NAALADL2: variants seen among roughly 807,000 people sequenced by gnomAD.
NAALADL2 encodes N-acetylated alpha-linked acidic dipeptidase like 2, also known as inactive N-acetylated-alpha-linked acidic dipeptidase-like protein 2.
A neutral mutation model predicts 87.2 loss-of-function variants in NAALADL2; 76 were observed. The observed-to-expected ratio is 0.87, with a 90% CI of 0.72 to 1.05. The LOEUF (loss-of-function observed/expected upper bound fraction) is 1.05. NAALADL2 is among the 50% of genes least tolerant of loss of function. NAALADL2 has a pLI of 0.00. For missense variants in NAALADL2, 1,089 were observed against 945.8 expected, an observed-to-expected ratio of 1.15 and a Z score of -1.99; for synonymous variants, 354 against 331.0, an observed-to-expected ratio of 1.07 and a Z score of -0.75.
intron 11 of NAALADL2, among the ~76,000 whole-genome samples, chr3:175,724,227 T>C (rs1378666641): frequency 1.3e-5 from 2 of 152,138 alleles, no homozygotes; most frequent in African/African-American, 2.4e-5. Context: ...TCTTGAATTG[T>C]TGGGCTATGT....
rs1174600904 is a variant in NAALADL2 at position 175,013,278 on chromosome 3, C to CATAT, written c.44-83491_44-83488dup. 1.1e-3 allele frequency among the ~76,000 whole-genome samples: 79 copies of CATAT among 73,724 alleles called. 4 individuals carry two copies. Among genetic ancestry groups the CATAT allele is most frequent in the East Asian group, 8.3e-3 (24 of 2,882 alleles). The allele number at this position is 73,724 out of a possible 152,430, so 48.4% of individuals were successfully genotyped here. On this transcript the variant is annotated intron_variant, in intron 1 of 13. Coordinates refer to ENST00000454872, the MANE Select transcript of NAALADL2 (RefSeq NM_207015.3). ...ATATACATATATTTTTATATATATA[C>CATAT]ATATATATATATATATATATATATT...
Position 175,418,993 on chromosome 3 carries a change from C to A in NAALADL2, c.1091-28236C>A, listed in dbSNP as rs143450996. Among the ~76,000 whole-genome samples, 434 of 151,732 alleles carry A rather than the reference C, an allele frequency of 2.9e-3. 1 individual carries two copies. Among genetic ancestry groups the A allele is most frequent in the Non-Finnish European group, 4.2e-3 (283 of 67,878 alleles). ...AAACCTTCCTGTTGAGTGATCATCA[C>A]TTTTCTGTTTTCTTTTTCTTTTTTT... On this transcript the variant is annotated intron_variant, in intron 5 of 13. Coordinates refer to ENST00000454872, the MANE Select transcript of NAALADL2 (RefSeq NM_207015.3).
At chr3:175,488,382 G>A (rs1181164064) in intron 9 of NAALADL2, among the ~76,000 whole-genome samples, 2 of 152,188 alleles carry the variant, frequency 1.3e-5, no homozygotes, top group African/African-American at 4.8e-5. Flanking sequence ...AAATTTGTGG[G>A]ATATGTTAAG....
chr3:175,436,307 A>T lies in NAALADL2; in HGVS notation c.1091-10922A>T, dbSNP rs995596359. On this transcript the variant is annotated intron_variant, in intron 5 of 13. Coordinates refer to ENST00000454872, the MANE Select transcript of NAALADL2 (RefSeq NM_207015.3). ...GCTATTGTGAATAATGCCGCAATAAACATACGTGTGCATGCGTCTTTATAG... is the reference window on the plus strand; with the variant it reads ...GCTATTGTGAATAATGCCGCAATAATCATACGTGTGCATGCGTCTTTATAG... Among the ~76,000 whole-genome samples the T allele has an allele frequency of 1.9e-4, 28 of 148,998 alleles. 1 individual carries two copies. Among genetic ancestry groups the T allele is most frequent in the African/African-American group, 7.1e-4 (28 of 39,496 alleles).
intron 2 of NAALADL2, among the ~76,000 whole-genome samples, chr3:174,650,090 C>A (rs752895283): frequency 2.0e-5 from 3 of 151,934 alleles, no homozygotes; most frequent in Non-Finnish European, 4.4e-5. Context: ...TTTGTTTAAA[C>A]AAATTTATTT....
At chr3:174,530,094 T>C (rs1721106113) in intron 1 of NAALADL2, among the ~76,000 whole-genome samples, 2 of 152,178 alleles carry the variant, frequency 1.3e-5, no homozygotes, top group South Asian at 4.1e-4. Flanking sequence ...TATGGTTTGT[T>C]TCTCTTTTAA....
At chr3:175,403,316 G>A (rs1490002066) in intron 5 of NAALADL2, among the ~76,000 whole-genome samples, 4 of 151,996 alleles carry the variant, frequency 2.6e-5, no homozygotes, top group Admixed American at 2.0e-4. Context: ...GTATACAGAA[G>A]TGAATTGTCC....
Position 175,256,461 on chromosome 3 carries a change from T to G in NAALADL2, c.870T>G (p.Ile290Met). ...GAATGGCAGATGATTTAAAAAGGATTAGGAAAATAAAAAACGTAACAAATC... is the reference window on the plus strand; with the variant it reads ...GAATGGCAGATGATTTAAAAAGGATGAGGAAAATAAAAAACGTAACAAATC... Reference protein sequence around the residue: ...SYGMADDLKRIRKIKNVTNQI... With the variant: ...SYGMADDLKRMRKIKNVTNQI... Residue 290 changes from isoleucine to methionine, a missense_variant, in exon 4 of 14, where the codon ATT becomes ATG. Ile to Met is a conservative substitution (Grantham distance 10). Coordinates refer to ENST00000454872, the MANE Select transcript of NAALADL2 (RefSeq NM_207015.3). The G allele has an allele frequency of 6.2e-7, 1 of 1,611,744 alleles. No homozygotes were observed. The highest frequency in any genetic ancestry group is 8.5e-7 in the Non-Finnish European group (1 of 1,178,876).
intron 1 of NAALADL2, among the ~76,000 whole-genome samples, chr3:174,986,980 C>T (rs955720749): frequency 1.3e-5 from 2 of 152,094 alleles, no homozygotes; most frequent in Non-Finnish European, 2.9e-5. Context: ...AGAGTTTACT[C>T]TTTCAGACCA....
intron 5 of NAALADL2, among the ~76,000 whole-genome samples, chr3:175,423,028 A>AAAAAATATATATATATATATATATATAT (rs1438736874): frequency 9.0e-6 from 1 of 111,318 alleles, no homozygotes; most frequent in African/African-American, 4.1e-5. Flanking sequence ...GAAAAAAAAA[A>AAAAAATATATATATATATATATATATAT]ATATATATAT....
intron 1 of NAALADL2, among the ~76,000 whole-genome samples, chr3:174,908,088 C>T (rs1733203535): frequency 8.4e-6 from 1 of 118,960 alleles, no homozygotes; most frequent in Non-Finnish European, 1.6e-5. Context: ...CTTGATTTTA[C>T]AAGTGCTGAC....
chr3:175,239,140 G>A (rs191832164), intron 3 of NAALADL2, among the ~76,000 whole-genome samples: 18 of 152,218 alleles, frequency 1.2e-4, no homozygotes, highest in Non-Finnish European at 1.6e-4. Flanking sequence ...GTAATTCATC[G>A]TGCACTAGAA....
intron 12 of NAALADL2, among the ~76,000 whole-genome samples, chr3:175,751,752 C>T (rs1462061012): frequency 6.6e-6 from 1 of 152,040 alleles, no homozygotes; most frequent in East Asian, 1.9e-4. Context: ...TTTGTTTAAA[C>T]GTACTTATTA....
intron 1 of NAALADL2, among the ~76,000 whole-genome samples, chr3:174,872,531 A>C (rs1185497433): frequency 6.6e-6 from 1 of 152,186 alleles, no homozygotes. Flanking sequence ...AAATTTAAAC[A>C]TGCTAAATTT....
At chr3:175,709,594 T>C (rs562434043) in intron 11 of NAALADL2, among the ~76,000 whole-genome samples, 1 of 152,242 alleles carries the variant, frequency 6.6e-6, no homozygotes, top group South Asian at 2.1e-4. Flanking sequence ...AGAAAGCGTA[T>C]TACGCTGGAA....
intron 2 of NAALADL2, among the ~76,000 whole-genome samples, chr3:175,214,023 G>T (rs577889716): frequency 6.6e-6 from 1 of 152,016 alleles, no homozygotes; most frequent in Non-Finnish European, 1.5e-5. Flanking sequence ...TGAAAAATTT[G>T]TTCATTAGAA....
intron 2 of NAALADL2, among the ~76,000 whole-genome samples, chr3:174,719,130 A>G (rs893187284): frequency 6.6e-6 from 1 of 152,208 alleles, no homozygotes; most frequent in Non-Finnish European, 1.5e-5. Context: ...AACATCCTGT[A>G]ATTTATTGAA....
intron 2 of NAALADL2, among the ~76,000 whole-genome samples, chr3:175,227,032 C>T (rs570638635): frequency 1.3e-5 from 2 of 151,936 alleles, no homozygotes; most frequent in East Asian, 1.9e-4. Flanking sequence ...AAATATCACC[C>T]GGTATAGTAT....
chr3:174,941,638 T>C (rs1417823437), intron 1 of NAALADL2, among the ~76,000 whole-genome samples: 1 of 152,124 alleles, frequency 6.6e-6, no homozygotes, highest in Non-Finnish European at 1.5e-5. Context: ...TCTATTTCTC[T>C]TTTTATGTCT....
Sources: gnomAD v4.1 joint callset for allele counts (sites outside exome capture counted in the v4.1 genomes callset) on GRCh38, gnomAD v4.1.1 for gene constraint, MANE v1.5 for transcripts, NCBI Gene and HGNC (gene_info 2026-07-23, HGNC 2026-07-21) for gene names.